Variants in ECT2L observed in about 807,000 individuals in gnomAD.
ECT2L encodes epithelial cell transforming 2 like, also known as epithelial cell-transforming sequence 2 oncogene-like.
A neutral mutation model predicts 122.8 loss-of-function variants in ECT2L; 126 were observed. That is an observed-to-expected ratio of 1.03 (90% CI 0.89 to 1.19). The LOEUF is 1.19. Among genes scored for constraint, ECT2L ranks in the 50% most tolerant of loss-of-function variants. The pLI, the probability that ECT2L is intolerant of heterozygous loss-of-function variation, is 0.00. For missense variants in ECT2L, 1,012 were observed against 1,064.1 expected, an observed-to-expected ratio of 0.95 and a Z score of 0.68; for synonymous variants, 385 against 381.8, an observed-to-expected ratio of 1.01 and a Z score of -0.10.
chr6:138,862,860 AG>A (rs1777886856), intron 11 of ECT2L, 141 bp downstream of exon 11: 5 of 596,310 alleles, frequency 8.4e-6, no homozygotes, highest in Non-Finnish European at 1.4e-5. Flanking sequence ...GAACGCTATT[AG>A]TTCCCAAACT....
intron 9 of ECT2L, among the ~76,000 whole-genome samples, chr6:138,850,994 CAAAAAAAAAAAAAAA>C (rs34453938): frequency 6.9e-5 from 4 of 57,780 alleles, no homozygotes; most frequent in South Asian, 2.1e-3. Flanking sequence ...AACTCCATCT[CAAAAAAAAAAAAAAA>C]AAAAAAAAAA....
chr6:138,888,908 T>C, intron 19 of ECT2L, 35 bp from the exon 20 acceptor site: 1 of 1,194,774 alleles, frequency 8.4e-7, no homozygotes, highest in Non-Finnish European at 1.1e-6. Context: ...TAAAAAAATT[T>C]ATATGTACTT....
intron 9 of ECT2L, among the ~76,000 whole-genome samples, chr6:138,853,161 T>C (rs2128394931): frequency 6.6e-6 from 1 of 152,110 alleles, no homozygotes; most frequent in African/African-American, 2.4e-5. Context: ...AGAGATGGGG[T>C]TTCACCATAT....
At chr6:138,901,349 C>G (rs2128415953) in intron 21 of ECT2L, among the ~76,000 whole-genome samples, 1 of 152,336 alleles carries the variant, frequency 6.6e-6, no homozygotes, top group African/African-American at 2.4e-5. Flanking sequence ...AGGAAAACAG[C>G]TTTCAAAAAT....
At chr6:138,898,988 A>G (rs1779306151) in intron 20 of ECT2L, among the ~76,000 whole-genome samples, 1 of 152,208 alleles carries the variant, frequency 6.6e-6, no homozygotes, top group Non-Finnish European at 1.5e-5. Flanking sequence ...CAGTTATGTA[A>G]AGGTTTATCT....
chr6:138,890,423 C>A (rs1307881177), intron 20 of ECT2L, among the ~76,000 whole-genome samples: 1 of 146,678 alleles, frequency 6.8e-6, no homozygotes, highest in African/African-American at 2.5e-5. Context: ...TAGACTAGAT[C>A]TTAAATGAAA....
intron 20 of ECT2L, among the ~76,000 whole-genome samples, chr6:138,894,109 T>G (rs897433136): frequency 6.6e-6 from 1 of 152,146 alleles, no homozygotes; most frequent in South Asian, 2.1e-4. Flanking sequence ...CAGGCTGGAG[T>G]GCAGTGGCGC....
rs1023153608 is a variant in ECT2L at position 138,843,134 on chromosome 6, G to A, written c.498G>A (p.Thr166=). The A allele has an allele frequency of 6.2e-7, 1 of 1,614,078 alleles. No individual in the cohort carries two copies. The highest frequency in any genetic ancestry group is 8.5e-7 in the Non-Finnish European group (1 of 1,179,950). ...GGGAGGCTGCTGCTACTTATGGGAC[G>A]CTGAATGAACCCAAAACAGAAGATG... ...TPREAAATYG[T]LNEPKTEDEE... is the part of the protein sequence containing the mutation. Residue 166 remains threonine (T), a synonymous_variant, in exon 6 of 22, where the codon ACG becomes ACA. Transcript: ENST00000541398.
intron 4 of ECT2L, 88 bp from the exon 5 acceptor site, chr6:138,838,264 G>T: frequency 8.5e-7 from 1 of 1,181,068 alleles, no homozygotes; most frequent in Non-Finnish European, 1.2e-6. Flanking sequence ...GTAGAACATT[G>T]GAGGAAGATC....
intron 19 of ECT2L, among the ~76,000 whole-genome samples, chr6:138,887,159 T>C (rs1297337309): frequency 6.6e-6 from 1 of 152,196 alleles, no homozygotes; most frequent in African/African-American, 2.4e-5. Context: ...TGCTCCTTTA[T>C]TGGTATTACT....
Position 138,881,953 on chromosome 6 carries a change from T to C in ECT2L, c.1881-771T>C, listed in dbSNP as rs147154903. Among the ~76,000 whole-genome samples the C allele has an allele frequency of 4.6e-5, 7 of 152,228 alleles. No homozygotes were observed. In the East Asian group the frequency reaches 1.3e-3, roughly 29 times the overall value. ...CTTGCTGTAACCAATAGACTGTCCATGCAAAAGCTAGCAGGAAGGAGGAGA... is the reference window on the plus strand; with the variant it reads ...CTTGCTGTAACCAATAGACTGTCCACGCAAAAGCTAGCAGGAAGGAGGAGA... On this transcript the variant is annotated intron_variant, in intron 15 of 21. Transcript: ENST00000541398.
chr6:138,826,959 C>T (rs866688077), intron 4 of ECT2L, among the ~76,000 whole-genome samples: 12 of 152,112 alleles, frequency 7.9e-5, no homozygotes, highest in Admixed American at 1.3e-4. Flanking sequence ...TTGGAAGTTC[C>T]CTGAGGCCTC....
chr6:138,822,907 T>C (rs747245508), intron 4 of ECT2L: 88 of 1,613,800 alleles, frequency 5.5e-5, no homozygotes, highest in Non-Finnish European at 6.8e-5. Flanking sequence ...GCTTTCGTCA[T>C]TGGACTTGCA....
At chr6:138,864,943 A>G (rs1582631933) in intron 11 of ECT2L, 53 bp from the exon 12 acceptor site, 3 of 1,526,136 alleles carry the variant, frequency 2.0e-6, no homozygotes, top group East Asian at 4.5e-5. Flanking sequence ...AAGATGTAGA[A>G]TTGTTTCATC....
intron 5 of ECT2L, among the ~76,000 whole-genome samples, chr6:138,840,415 C>T (rs919539252): frequency 4.6e-5 from 7 of 152,126 alleles, no homozygotes; most frequent in Admixed American, 1.3e-4. Flanking sequence ...TCTGTTCCTG[C>T]ATCTCTGAGT....
intron 4 of ECT2L, 103 bp downstream of exon 4, chr6:138,814,706 A>G (rs1776012623): frequency 3.0e-6 from 2 of 673,956 alleles, no homozygotes; most frequent in Admixed American, 3.0e-5. Flanking sequence ...GGGAGAAAAA[A>G]AAACAAGGTA....
chr6:138,861,099 G>A (rs1582626930), intron 10 of ECT2L, among the ~76,000 whole-genome samples: 1 of 152,206 alleles, frequency 6.6e-6, no homozygotes, highest in South Asian at 2.1e-4. Flanking sequence ...TGATGTATAT[G>A]TGCCACATTT....
At chr6:138,842,946 A>G (rs761567681) in intron 5 of ECT2L, 33 bp from the exon 6 acceptor site, 10 of 1,432,592 alleles carry the variant, frequency 7.0e-6, no homozygotes, top group African/African-American at 1.4e-5. Context: ...GTCTGAAAAC[A>G]ATTTGTGACT....
At chr6:138,821,157 A>G (rs2128377713) in intron 4 of ECT2L, among the ~76,000 whole-genome samples, 1 of 152,356 alleles carries the variant, frequency 6.6e-6, no homozygotes, top group East Asian at 1.9e-4. Context: ...TCTCAGTGCA[A>G]TGAAACAAAA....
Sources: allele counts gnomAD v4.1 joint callset (sites outside exome capture counted in the v4.1 genomes callset), GRCh38; gene constraint gnomAD v4.1.1; transcripts MANE v1.5; gene names NCBI Gene and HGNC (gene_info 2026-07-23, HGNC 2026-07-21).